Variants in ZNF367 observed in about 807,000 individuals in gnomAD.
The protein encoded by ZNF367 is C2H2 zinc finger protein ZFF29.
ZNF367 carries 11 observed loss-of-function variants against 31.8 expected under a neutral mutation model. That is an observed-to-expected ratio of 0.35 (90% CI 0.22 to 0.57). ZNF367 has a LOEUF of 0.57. Ranked by LOEUF, ZNF367 falls within the 20% of genes least tolerant of loss-of-function variation. The pLI is 0.85. For synonymous variants in ZNF367, 199 were observed against 202.4 expected, an observed-to-expected ratio of 0.98 and a Z score of 0.14; for missense variants, 353 against 484.1, an observed-to-expected ratio of 0.73 and a Z score of 2.54.
intron 1 of ZNF367, among the ~76,000 whole-genome samples, chr9:96,406,022 A>G (rs1169967987): frequency 6.6e-6 from 1 of 152,246 alleles, no homozygotes; most frequent in African/African-American, 2.4e-5. Context: ...ATTAATTTTT[A>G]ACAAATGTAC....
chr9:96,414,002 C>G (rs1198436774), intron 1 of ZNF367, among the ~76,000 whole-genome samples: 2 of 152,206 alleles, frequency 1.3e-5, no homozygotes, highest in African/African-American at 4.8e-5. Flanking sequence ...AATGAGCAGA[C>G]TCAGCACAAT....
chr9:96,401,508 T>G (rs1831603518), intron 1 of ZNF367, among the ~76,000 whole-genome samples: 1 of 151,778 alleles, frequency 6.6e-6, no homozygotes, highest in Admixed American at 6.6e-5. Flanking sequence ...AAATACAAAA[T>G]TAGCCGGGCA....
intron 1 of ZNF367, among the ~76,000 whole-genome samples, chr9:96,410,568 A>G (rs972461392): frequency 6.8e-6 from 1 of 146,958 alleles, no homozygotes; most frequent in Non-Finnish European, 1.5e-5. Context: ...TCTCAAAAAA[A>G]AAAAAAAAAA....
At chr9:96,408,549 T>C (rs1831700899) in intron 1 of ZNF367, among the ~76,000 whole-genome samples, 1 of 152,222 alleles carries the variant, frequency 6.6e-6, no homozygotes, top group African/African-American at 2.4e-5. Context: ...TGCATAATTT[T>C]ACCTATATGA....
chr9:96,390,317 T>C (rs1247066371), intron 4 of ZNF367, among the ~76,000 whole-genome samples: 3 of 151,904 alleles, frequency 2.0e-5, no homozygotes, highest in Non-Finnish European at 2.9e-5. Context: ...CACAGAGGTC[T>C]AAAAAAAGAA....
chr9:96,407,980 AAAATAAAT>A (rs3045262), intron 1 of ZNF367, among the ~76,000 whole-genome samples: 36,508 of 148,458 alleles, frequency 0.25, 6,114 homozygotes, highest in African/African-American at 0.49. Context: ...AATGGAACAC[AAAATAAAT>A]AAATAAATAA....
intron 1 of ZNF367, chr9:96,407,295 C>G: frequency 3.2e-6 from 5 of 1,543,062 alleles, no homozygotes; most frequent in Non-Finnish European, 4.5e-6. Context: ...TGCCACAGAA[C>G]GAATATATTG....
chr9:96,397,674 TCCA>T (rs942794847), intron 2 of ZNF367, among the ~76,000 whole-genome samples: 14 of 152,084 alleles, frequency 9.2e-5, no homozygotes, highest in Non-Finnish European at 1.9e-4. Flanking sequence ...ACCACCACTC[TCCA>T]CCAAAAAGAA....
At chr9:96,416,070 T>C (rs796713664) in intron 1 of ZNF367, among the ~76,000 whole-genome samples, 11 of 148,610 alleles carry the variant, frequency 7.4e-5, no homozygotes, top group African/African-American at 2.0e-4. Flanking sequence ...GGCTCTGTTA[T>C]GGTTTTTTTT....
chr9:96,395,429 C>T (rs77546178), intron 2 of ZNF367, among the ~76,000 whole-genome samples: 2,793 of 152,232 alleles, frequency 0.018, 86 homozygotes, highest in African/African-American at 0.064. Flanking sequence ...AATCCTATTA[C>T]ACACCTTGGA....
intron 1 of ZNF367, among the ~76,000 whole-genome samples, chr9:96,406,729 G>A (rs1406651068): frequency 2.6e-5 from 4 of 151,586 alleles, no homozygotes; most frequent in East Asian, 1.9e-4. Context: ...GGCCGGGCAC[G>A]GTGGCTCACG....
In ZNF367 at chr9:96,417,344, C is replaced by T. The variant is rs1831843957; in HGVS notation, c.420+269G>A. Among the ~76,000 whole-genome samples the T allele has an allele frequency of 6.6e-6, 1 of 152,082 alleles. No individual in the cohort carries two copies. Among genetic ancestry groups the T allele is most frequent in the Non-Finnish European group, 1.5e-5 (1 of 68,002 alleles). The stretch of plus-strand genomic sequence containing the variant: ...CCGGGAGGATGTCAGTGGCCGTTGA[C>T]CCGGCCTCCCCAGCGACCCCGGGCC... On this transcript the variant is annotated intron_variant, in intron 1 of 4. Coordinates refer to ENST00000375256, the MANE Select transcript of ZNF367 (RefSeq NM_153695.4). This position sits in a 1 kb window ranked among gnomAD's most constrained non-coding sequence, Gnocchi z 5.0.
At position 96,418,174 on chromosome 9, in the gene ZNF367, GCCAC is replaced by G; in HGVS notation, c.-146_-143del. The G allele has an allele frequency of 8.2e-7, 1 of 1,214,554 alleles. No homozygotes were observed. Among genetic ancestry groups the G allele is most frequent in the Non-Finnish European group, 1.0e-6 (1 of 961,240 alleles). The allele number at this position is 1,214,554 out of a possible 1,614,324, so 75.2% of individuals were successfully genotyped here. ...ACGTTTCCCGGAATCCTGCGCAGCAGCCACCTAACTAGTTGAGCAGACGGCACCG... is the reference window on the plus strand; with the variant it reads ...ACGTTTCCCGGAATCCTGCGCAGCAGCTAACTAGTTGAGCAGACGGCACCG... On this transcript the variant is annotated 5_prime_UTR_variant, in exon 1 of 5. Coordinates refer to ENST00000375256, the MANE Select transcript of ZNF367 (RefSeq NM_153695.4).
Position 96,388,064 on chromosome 9 carries a change from TA to T in ZNF367, c.*172del. On this transcript the variant is annotated 3_prime_UTR_variant, in exon 5 of 5. Transcript: ENST00000375256. The stretch of plus-strand genomic sequence containing the variant: ...CTTTACGATGAATTCATTTCCATAT[TA>T]AAAAAGTGCAGTTCTCTCTCACCCC... 1.6e-6 allele frequency: 1 copy of T among 614,332 alleles called. No individual in the cohort carries two copies. The highest frequency in any genetic ancestry group is 2.8e-6 in the Non-Finnish European group (1 of 360,916). The allele number at this position is 614,332 out of a possible 1,614,324, so 38.1% of individuals were successfully genotyped here.
At chr9:96,414,559 C>T (rs1208551118) in intron 1 of ZNF367, among the ~76,000 whole-genome samples, 1 of 151,882 alleles carries the variant, frequency 6.6e-6, no homozygotes, top group Admixed American at 6.6e-5. Context: ...CTCACTGCAA[C>T]CTCCGTCTCC....
At chr9:96,392,117 C>G (rs1329483163) in intron 4 of ZNF367, among the ~76,000 whole-genome samples, 1 of 152,078 alleles carries the variant, frequency 6.6e-6, no homozygotes, top group African/African-American at 2.4e-5. Context: ...GAATGAAATA[C>G]AATACATATA....
At chr9:96,408,222 A>C (rs1831697497) in intron 1 of ZNF367, among the ~76,000 whole-genome samples, 1 of 152,072 alleles carries the variant, frequency 6.6e-6, no homozygotes, top group Non-Finnish European at 1.5e-5. Context: ...AAATAAATAA[A>C]TAATAAATAT....
At chr9:96,393,084 A>G (rs1436654644) in intron 3 of ZNF367, among the ~76,000 whole-genome samples, 1 of 152,178 alleles carries the variant, frequency 6.6e-6, no homozygotes, top group Non-Finnish European at 1.5e-5. Flanking sequence ...ACTCCATCGC[A>G]GGGGTCGGGT....
chr9:96,387,851 T>A lies in ZNF367; in HGVS notation c.*386A>T, dbSNP rs1453481361. 5.8e-6 allele frequency: 1 copy of A among 173,580 alleles called. No individual in the cohort carries two copies. The highest frequency in any genetic ancestry group is 1.2e-5 in the Non-Finnish European group (1 of 82,410). The allele number at this position is 173,580 out of a possible 1,614,324, so 10.8% of individuals were successfully genotyped here. A position where few individuals can be genotyped will look rare whatever the true frequency, so the allele number is the denominator to read the frequency against. On this transcript the variant is annotated 3_prime_UTR_variant, in exon 5 of 5. Transcript: ENST00000375256. ...ATATATATTGTTAAAAATGATCTTA[T>A]AAATAATCTGTTTTAATCTTCTTTG... is the stretch of plus-strand genomic sequence containing the variant.
Sources: allele counts gnomAD v4.1 joint callset (sites outside exome capture counted in the v4.1 genomes callset), GRCh38; gene constraint gnomAD v4.1.1; non-coding constraint Gnocchi (gnomAD v3.1); transcripts MANE v1.5; gene names NCBI Gene and HGNC (gene_info 2026-07-23, HGNC 2026-07-21).